The following ATP6V1B2 variants were observed in gnomAD, a reference collection of about 807,000 sequenced individuals.
ATP6V1B2 encodes V-type proton ATPase subunit B, brain isoform.
A neutral mutation model predicts 66.7 loss-of-function variants in ATP6V1B2; 23 were observed. The observed-to-expected ratio is 0.34, with a 90% CI of 0.25 to 0.49. ATP6V1B2 has a LOEUF of 0.49. Among genes scored for constraint, ATP6V1B2 ranks in the 20% least tolerant of loss-of-function variants. The pLI is 0.99. For missense variants in ATP6V1B2, 478 were observed against 650.8 expected, an observed-to-expected ratio of 0.73 and a Z score of 2.89; for synonymous variants, 278 against 236.7, an observed-to-expected ratio of 1.17 and a Z score of -1.60.
intron 2 of ATP6V1B2, among the ~76,000 whole-genome samples, 166 bp from the exon 3 acceptor site, chr8:20,209,267 A>G (rs371865144): frequency 5.3e-5 from 8 of 152,314 alleles, no homozygotes; most frequent in African/African-American, 1.9e-4. Flanking sequence ...GTTTGCTGTA[A>G]GGACTTAAAC....
At chr8:20,214,756 A>G in intron 9 of ATP6V1B2, 62 bp from the exon 10 acceptor site, 1 of 1,482,028 alleles carries the variant, frequency 6.7e-7, no homozygotes, top group Non-Finnish European at 9.0e-7. Flanking sequence ...TGAAACAAAC[A>G]TGTTGTAAGC....
intron 1 of ATP6V1B2, among the ~76,000 whole-genome samples, chr8:20,198,422 A>C (rs2072650556): frequency 6.6e-6 from 1 of 152,218 alleles, no homozygotes; most frequent in African/African-American, 2.4e-5. Context: ...TTTAAATAAA[A>C]AGGCCTTAAT....
At chr8:20,212,692 A>G in intron 8 of ATP6V1B2, 90 bp from the exon 9 acceptor site, 3 of 1,528,062 alleles carry the variant, frequency 2.0e-6, no homozygotes, top group Non-Finnish European at 2.7e-6. Context: ...TAAAAGGGGA[A>G]TTGTACTGTT....
At chr8:20,206,233 C>T (rs1427499078) in intron 2 of ATP6V1B2, among the ~76,000 whole-genome samples, 1 of 152,178 alleles carries the variant, frequency 6.6e-6, no homozygotes, top group African/African-American at 2.4e-5. Context: ...TTTCCTATAA[C>T]AATTCAGTTC....
chr8:20,217,903 A>G (rs2072871165), intron 12 of ATP6V1B2, among the ~76,000 whole-genome samples: 1 of 152,232 alleles, frequency 6.6e-6, no homozygotes, highest in Non-Finnish European at 1.5e-5. Flanking sequence ...TTTTGAGCTC[A>G]TTAACATATT....
chr8:20,211,908 G>C (rs543687429), intron 7 of ATP6V1B2, among the ~76,000 whole-genome samples, 155 bp downstream of exon 7: 2 of 152,264 alleles, frequency 1.3e-5, no homozygotes, highest in African/African-American at 4.8e-5. Flanking sequence ...TTTGGCATTT[G>C]ACTAATTTGA....
intron 2 of ATP6V1B2, among the ~76,000 whole-genome samples, chr8:20,206,897 G>T (rs1046689750): frequency 3.3e-5 from 5 of 152,136 alleles, no homozygotes; most frequent in African/African-American, 9.7e-5. Context: ...ATGGGGAAAA[G>T]AAATTAGGGT....
At position 20,210,413 on chromosome 8, in the gene ATP6V1B2, G is replaced by A. The variant is rs770261713; in HGVS notation, c.359G>A (p.Arg120Gln). Residue 120 changes from arginine (R) to glutamine (Q), a missense_variant, in exon 4 of 14, where the codon CGA (arginine) becomes CAA (glutamine). Arg to Gln is a conservative substitution (Grantham distance 43). This residue lies in a region of ATP6V1B2 where 326 missense variants were observed against 545.6 expected (regional missense o/e 0.60). Transcript: ENST00000276390. ...TSCEFTGDILRTPVSEDMLGR... is the reference protein window; with the variant it reads ...TSCEFTGDILQTPVSEDMLGR... ...TGTGAGTTTACTGGGGATATTCTCCGAACACCGGTGTCTGAGGATATGCTT... is the reference window on the plus strand; with the variant it reads ...TGTGAGTTTACTGGGGATATTCTCCAAACACCGGTGTCTGAGGATATGCTT... 9 of 1,613,392 alleles carry A rather than the reference G, an allele frequency of 5.6e-6. No homozygotes were observed. The highest frequency in any genetic ancestry group is 7.6e-6 in the Non-Finnish European group (9 of 1,179,642).
chr8:20,210,910 T>G (rs2072787041), intron 5 of ATP6V1B2, among the ~76,000 whole-genome samples: 1 of 152,200 alleles, frequency 6.6e-6, no homozygotes, highest in Non-Finnish European at 1.5e-5. Flanking sequence ...AAATTAGGAC[T>G]TCTCTCTTAT....
intron 6 of ATP6V1B2, 112 bp downstream of exon 6, chr8:20,211,428 T>C (rs1296217951): frequency 2.8e-6 from 4 of 1,439,664 alleles, no homozygotes; most frequent in Non-Finnish European, 3.7e-6. Flanking sequence ...CTCAGTGTTA[T>C]TGTTTGTATA....
At chr8:20,209,563 C>T (rs911593987) in intron 3 of ATP6V1B2, 32 bp downstream of exon 3, 1 of 1,577,350 alleles carries the variant, frequency 6.3e-7, no homozygotes, top group African/African-American at 1.4e-5. Flanking sequence ...GAACTGTTTC[C>T]TAGTTGCCTA....
At position 20,216,314 on chromosome 8, in the gene ATP6V1B2, A is replaced by G. The variant is rs2072854122; in HGVS notation, c.1079-99A>G. 4 of 961,776 alleles carry G rather than the reference A, an allele frequency of 4.2e-6. No individual in the cohort carries two copies. In the African/African-American group the frequency reaches 6.4e-5, roughly 15 times the overall value. The allele number at this position is 961,776 out of a possible 1,614,324, so 59.6% of individuals were successfully genotyped here. ...TCTTCTAAGTAATGTTACAGGTAGT[A>G]CAGAGGGACTTTTTGTGGGTTTGGT... On this transcript the variant is annotated intron_variant, in intron 10 of 13. Coordinates refer to ENST00000276390, the MANE Select transcript of ATP6V1B2 (RefSeq NM_001693.4).
chr8:20,211,141 A>G lies in ATP6V1B2; in HGVS notation c.464-36A>G. On this transcript the variant is annotated intron_variant, in intron 5 of 13. Transcript: ENST00000276390. ...TAATTTCATTCATGAATAATGCGGCAACTTGTTGAAATTTTCCTTTTTGGA... is the reference window on the plus strand; with the variant it reads ...TAATTTCATTCATGAATAATGCGGCGACTTGTTGAAATTTTCCTTTTTGGA... The G allele has an allele frequency of 1.9e-6, 3 of 1,592,452 alleles. 1 individual carries two copies. In the East Asian group the frequency reaches 6.8e-5, roughly 36 times the overall value.
chr8:20,217,148 G>GT lies in ATP6V1B2; in HGVS notation c.1162-65dup. The GT allele has an allele frequency of 2.7e-5, 34 of 1,261,322 alleles. 1 individual carries two copies. In the South Asian group the frequency reaches 3.7e-4, roughly 14 times the overall value. 78.1% of individuals were successfully genotyped at this position (1,261,322 alleles called of 1,614,324 possible). ...TAAGTTGTAATAATGAGTTTCAAAT[G>GT]TTTTTTTATTACCAGTAAAACTTGA... is the stretch of plus-strand genomic sequence containing the variant. On this transcript the variant is annotated intron_variant, in intron 11 of 13. Transcript: ENST00000276390.
At chr8:20,209,919 C>T (rs1257088141) in intron 3 of ATP6V1B2, among the ~76,000 whole-genome samples, 4 of 151,852 alleles carry the variant, frequency 2.6e-5, no homozygotes, top group African/African-American at 9.7e-5. Context: ...AACATGTTCC[C>T]CTTAAAAATA....
intron 2 of ATP6V1B2, 81 bp from the exon 3 acceptor site, chr8:20,209,352 C>G (rs1262630351): frequency 5.1e-6 from 7 of 1,370,862 alleles, no homozygotes; most frequent in African/African-American, 4.3e-5. Flanking sequence ...TCAGACACAA[C>G]ATGGGAGAGA....
intron 10 of ATP6V1B2, chr8:20,215,709 C>G (rs2072847799): frequency 6.6e-6 from 1 of 152,168 alleles, no homozygotes; most frequent in Non-Finnish European, 1.5e-5. Flanking sequence ...GAGTTCATAA[C>G]TCACACTGTT....
chr8:20,217,273 TA>T lies in ATP6V1B2; in HGVS notation c.1216del (p.Ile406LeufsTer5), dbSNP rs746776628. 6.2e-7 allele frequency: 1 copy of T among 1,613,446 alleles called. No individual in the cohort carries two copies. The highest frequency in any genetic ancestry group is 8.5e-7 in the Non-Finnish European group (1 of 1,179,496). On this transcript the variant is annotated frameshift_variant, in exon 12 of 14. Transcript: ENST00000276390. LOFTEE classifies it high-confidence loss of function. The stretch of plus-strand genomic sequence containing the variant: ...CACTATCACGGTTAATGAAGTCTGC[TA>T]TTGGAGAAGGGATGACCAGGAAGGA... ...PSLSRLMKSA[I>X]GEGMTRKDHA...
In ATP6V1B2 at chr8:20,216,432, A is replaced by G. The variant is rs2128886549; in HGVS notation, c.1098A>G (p.Pro366=). The G allele has an allele frequency of 6.2e-7, 1 of 1,613,214 alleles. No homozygotes were observed. Among genetic ancestry groups the G allele is most frequent in the Non-Finnish European group, 8.5e-7 (1 of 1,179,384 alleles). The change falls in exon 11 of 14, where the codon CCA becomes CCG. Residue 366 remains proline, a synonymous_variant. Transcript: ENST00000276390. ...TGGTAGATATCACTCACCCCATCCC[A>G]GACTTGACTGGCTACATTACAGAGG... ...MPNDDITHPI[P]DLTGYITEGQ...
Sources: allele counts gnomAD v4.1 joint callset (sites outside exome capture counted in the v4.1 genomes callset), GRCh38; gene constraint gnomAD v4.1.1; regional missense constraint gnomAD v4.1.1; transcripts MANE v1.5; gene names NCBI Gene and HGNC (gene_info 2026-07-23, HGNC 2026-07-21).